Variants in EZH2 observed in about 807,000 individuals in gnomAD.
EZH2 encodes the protein enhancer of zeste 2 polycomb repressive complex 2 subunit.
Under a neutral mutation model 98.4 loss-of-function variants are expected in EZH2, and 18 were observed. That is an observed-to-expected ratio of 0.18 (90% CI 0.13 to 0.27). The LOEUF is 0.27. Among genes scored for constraint, EZH2 ranks in the 10% least tolerant of loss-of-function variants. EZH2 has a pLI of 1.00. For synonymous variants in EZH2, 338 were observed against 312.3 expected (o/e 1.08, Z -0.87); for missense variants, 470 against 935.1 (o/e 0.50, Z 6.49).
intron 3 of EZH2, among the ~76,000 whole-genome samples, chr7:148,843,424 CT>C (rs1344770960): frequency 5.3e-5 from 8 of 151,798 alleles, no homozygotes; most frequent in Non-Finnish European, 1.2e-4. Flanking sequence ...GAGATGTGGT[CT>C]TTGGGTTCAA....
chr7:148,866,538 GTATATACATA>G (rs1228671912), intron 1 of EZH2, among the ~76,000 whole-genome samples: 3 of 101,276 alleles, frequency 3.0e-5, no homozygotes, highest in Non-Finnish European at 4.0e-5. Context: ...ATATATATAC[GTATATACATA>G]TATATACATA....
chr7:148,816,378 A>C (rs1352454327), intron 12 of EZH2, among the ~76,000 whole-genome samples: 1 of 152,244 alleles, frequency 6.6e-6, no homozygotes, highest in African/African-American at 2.4e-5. Flanking sequence ...TCATGATGTT[A>C]AAGTAATTGT....
chr7:148,866,657 C>T (rs1032177744), intron 1 of EZH2, among the ~76,000 whole-genome samples: 3 of 143,892 alleles, frequency 2.1e-5, no homozygotes, highest in Non-Finnish European at 4.5e-5. Flanking sequence ...TACGTATATA[C>T]GTATATGCAT....
intron 16 of EZH2, 49 bp downstream of exon 16, chr7:148,811,576 A>T (rs372913099): frequency 1.5e-4 from 210 of 1,409,536 alleles, no homozygotes; most frequent in Non-Finnish European, 2.0e-4. Flanking sequence ...AAAATAAAGT[A>T]AAGTTAGTAT....
intron 19 of EZH2, 67 bp downstream of exon 19, chr7:148,809,004 T>C (rs1418583647): frequency 7.6e-7 from 1 of 1,321,014 alleles, no homozygotes; most frequent in Admixed American, 1.8e-5. Flanking sequence ...AAACCCTCCT[T>C]TGTCCAGAGT....
At chr7:148,856,531 T>C (rs1271911769) in intron 1 of EZH2, among the ~76,000 whole-genome samples, 3 of 152,186 alleles carry the variant, frequency 2.0e-5, no homozygotes. Context: ...AAGCATACCC[T>C]GCACCCAAGA....
intron 5 of EZH2, among the ~76,000 whole-genome samples, chr7:148,829,499 C>T (rs927756205): frequency 1.3e-5 from 2 of 152,160 alleles, no homozygotes; most frequent in East Asian, 1.9e-4. Context: ...TTATAACCAA[C>T]TATGCATAAT....
rs1035066688 is a variant in EZH2 at position 148,847,291 on chromosome 7, T to A, written c.8A>T (p.Gln3Leu). 6.2e-7 allele frequency: 1 copy of A among 1,613,686 alleles called. No homozygotes were observed. The highest frequency in any genetic ancestry group is 8.5e-7 in the Non-Finnish European group (1 of 1,179,894). The stretch of plus-strand genomic sequence containing the variant: ...TCCCTTCTCAGATTTCTTCCCAGTC[T>A]GGCCCATGATTATTCTAAAAGCAAT... MG[Q>L]TGKKSEKGPV... Residue 3 changes from glutamine (Q) to leucine (L), a missense_variant, in exon 2 of 20, where the codon CAG becomes CTG. Gln to Leu is a moderately radical substitution (Grantham distance 113). Transcript: ENST00000320356.
At chr7:148,832,953 C>T (rs540485619) in intron 3 of EZH2, among the ~76,000 whole-genome samples, 1 of 152,182 alleles carries the variant, frequency 6.6e-6, no homozygotes, top group South Asian at 2.1e-4. Flanking sequence ...TCAAATTTTC[C>T]AAATTTTCAA....
intron 3 of EZH2, among the ~76,000 whole-genome samples, chr7:148,836,104 C>T (rs185258034): frequency 6.6e-6 from 1 of 152,222 alleles, no homozygotes; most frequent in Non-Finnish European, 1.5e-5. Flanking sequence ...AGCAGCTGAG[C>T]CAAGTGTGGC....
intron 1 of EZH2, among the ~76,000 whole-genome samples, chr7:148,875,794 C>T (rs887242966): frequency 2.0e-5 from 3 of 152,184 alleles, no homozygotes; most frequent in Admixed American, 6.5e-5. Flanking sequence ...GACAACAGTC[C>T]TATGTGTCCA....
intron 1 of EZH2, among the ~76,000 whole-genome samples, chr7:148,849,028 A>T (rs1814958084): frequency 6.6e-6 from 1 of 152,142 alleles, no homozygotes; most frequent in South Asian, 2.1e-4. Context: ...TGCCATGTAA[A>T]TAGTTGTTAT....
chr7:148,839,642 TCAAGG>T (rs1811924068), intron 3 of EZH2, among the ~76,000 whole-genome samples: 1 of 152,070 alleles, frequency 6.6e-6, no homozygotes, highest in Admixed American at 6.5e-5. Flanking sequence ...CCTCCTGGGT[TCAAGG>T]CATTCTCCTG....
At chr7:148,855,801 G>A (rs556297827) in intron 1 of EZH2, among the ~76,000 whole-genome samples, 14 of 151,454 alleles carry the variant, frequency 9.2e-5, no homozygotes, top group Admixed American at 5.9e-4. Flanking sequence ...AGGAGGCTGA[G>A]GCAGGAGAAT....
At chr7:148,826,277 A>G (rs1173526337) in intron 8 of EZH2, among the ~76,000 whole-genome samples, 177 bp downstream of exon 8, 1 of 152,220 alleles carries the variant, frequency 6.6e-6, no homozygotes, top group Admixed American at 6.5e-5. Flanking sequence ...AAATACATGC[A>G]AAAGATTTCA....
chr7:148,844,423 G>A (rs368018739), intron 3 of EZH2, among the ~76,000 whole-genome samples: 18 of 152,140 alleles, frequency 1.2e-4, no homozygotes, highest in African/African-American at 4.1e-4. Context: ...AGGCGGAAAG[G>A]GGAAATAATA....
intron 9 of EZH2, 129 bp from the exon 10 acceptor site, chr7:148,818,246 C>T (rs1361216727): frequency 7.3e-6 from 7 of 960,708 alleles, no homozygotes; most frequent in Non-Finnish European, 9.1e-6. Context: ...CACAAATAAT[C>T]ATTTGCATGT....
intron 1 of EZH2, among the ~76,000 whole-genome samples, chr7:148,873,550 G>T (rs1585301479): frequency 7.7e-6 from 1 of 130,484 alleles, no homozygotes; most frequent in African/African-American, 2.9e-5. Flanking sequence ...ATCATTTCAT[G>T]CTCTTCATTT....
intron 1 of EZH2, among the ~76,000 whole-genome samples, chr7:148,878,628 G>T (rs1820502214): frequency 6.6e-6 from 1 of 152,252 alleles, no homozygotes; most frequent in Non-Finnish European, 1.5e-5. Flanking sequence ...GCTGGGTGCA[G>T]TGGGTCACAC....
Sources: gnomAD v4.1 joint callset for allele counts (sites outside exome capture counted in the v4.1 genomes callset) on GRCh38, gnomAD v4.1.1 for gene constraint, MANE v1.5 for transcripts, NCBI Gene and HGNC (gene_info 2026-07-23, HGNC 2026-07-21) for gene names.